OTUD7A: variants seen among roughly 807,000 people sequenced by gnomAD.
The protein encoded by OTUD7A is OTU deubiquitinase 7A, also known as OTU domain-containing protein 7A.
A neutral mutation model predicts 65.7 loss-of-function variants in OTUD7A; 12 were observed. That is an observed-to-expected ratio of 0.18 (90% CI 0.12 to 0.30). The LOEUF (loss-of-function observed/expected upper bound fraction) is 0.30. Among genes scored for constraint, OTUD7A ranks in the 10% least tolerant of loss-of-function variants. The probability of loss-of-function intolerance (pLI) is 1.00; values close to 1 mark genes in which losing one functional copy is unlikely to be tolerated. For missense variants in OTUD7A, 1,148 were observed against 1,304.8 expected, an observed-to-expected ratio of 0.88 and a Z score of 1.85; for synonymous variants, 641 against 586.3, an observed-to-expected ratio of 1.09 and a Z score of -1.35.
rs575521876 is a variant in OTUD7A at position 31,564,362 on chromosome 15, T to G, written c.332-5175A>C. Among the ~76,000 whole-genome samples the G allele has an allele frequency of 2.7e-3, 413 of 151,328 alleles. 4 individuals carry two copies. The highest frequency in any genetic ancestry group is 9.6e-3 in the African/African-American group (392 of 41,024). ...TAGGAGATTCACCATGCAAAAACTG[T>G]TTTTGGAAGTAGTCTTTGAGGAAGG... On this transcript the variant is annotated intron_variant, in intron 4 of 12. Transcript: ENST00000307050.
chr15:31,670,748 T>G (rs1465139490), intron 1 of OTUD7A, among the ~76,000 whole-genome samples: 1 of 152,114 alleles, frequency 6.6e-6, no homozygotes, highest in African/African-American at 2.4e-5. Flanking sequence ...TCCCAGCACT[T>G]TGGGAGGCCG....
At chr15:31,623,478 C>A (rs1890861355) in intron 3 of OTUD7A, among the ~76,000 whole-genome samples, 1 of 152,238 alleles carries the variant, frequency 6.6e-6, no homozygotes, top group Admixed American at 6.5e-5. Flanking sequence ...GCGCCCCTCC[C>A]CCAGCCTCAC....
intron 1 of OTUD7A, among the ~76,000 whole-genome samples, chr15:31,738,574 G>T (rs1289971929): frequency 6.6e-6 from 1 of 152,154 alleles, no homozygotes; most frequent in Non-Finnish European, 1.5e-5. Context: ...AGGATTATCT[G>T]CCATGACAGT....
chr15:31,767,381 G>T lies in OTUD7A; in HGVS notation c.-100+103126C>A, dbSNP rs557542320. On this transcript the variant is annotated intron_variant, in intron 1 of 12. Transcript: ENST00000307050. Reference sequence around the variant, plus strand: ...CAGGGAGATCTAGAAAATAATCTGTGATTGTTCTGAATACATGTCATTCAA... The same window carrying T: ...CAGGGAGATCTAGAAAATAATCTGTTATTGTTCTGAATACATGTCATTCAA... 1.0e-5 allele frequency: 8 copies of T among 775,762 alleles called. No individual in the cohort carries two copies. The East Asian group carries it at 1.9e-4, about 19-fold the overall frequency. 48.1% of individuals were successfully genotyped at this position (775,762 alleles called of 1,614,324 possible). A position where few individuals can be genotyped will look rare whatever the true frequency, so the allele number is the denominator to read the frequency against.
At chr15:31,576,905 G>A (rs143393625) in intron 3 of OTUD7A, among the ~76,000 whole-genome samples, 6 of 152,240 alleles carry the variant, frequency 3.9e-5, no homozygotes, top group African/African-American at 7.2e-5. Flanking sequence ...GGACATGGCT[G>A]GAAGGGAGGT....
intron 5 of OTUD7A, among the ~76,000 whole-genome samples, chr15:31,538,894 T>C (rs1018107565): frequency 1.3e-5 from 2 of 152,216 alleles, no homozygotes; most frequent in African/African-American, 2.4e-5. Flanking sequence ...AACACCAACA[T>C]GAATTTGGCA....
chr15:31,851,336 A>C (rs916487036), intron 1 of OTUD7A, among the ~76,000 whole-genome samples: 11 of 152,248 alleles, frequency 7.2e-5, no homozygotes, highest in African/African-American at 2.7e-4. Context: ...AAAAGGATCA[A>C]TAAATGACTA....
At chr15:31,767,143 T>A in intron 1 of OTUD7A, 1 of 1,440,074 alleles carries the variant, frequency 6.9e-7, no homozygotes, top group Non-Finnish European at 9.7e-7. Context: ...CGAAGCAGAC[T>A]GAGAAGGCGG....
chr15:31,749,181 A>ACGT (rs1411446820), intron 1 of OTUD7A, among the ~76,000 whole-genome samples: 2 of 152,066 alleles, frequency 1.3e-5, no homozygotes, highest in East Asian at 3.9e-4. Context: ...GATATACCTA[A>ACGT]CGTTAAATGA....
chr15:31,554,664 C>CAGACACACTG (rs1888433417), intron 5 of OTUD7A, among the ~76,000 whole-genome samples: 1 of 152,182 alleles, frequency 6.6e-6, no homozygotes, highest in African/African-American at 2.4e-5. Context: ...TGCCTCTGCC[C>CAGACACACTG]TCTGCCCCCA....
chr15:31,635,712 G>T (rs1228365318), intron 3 of OTUD7A, among the ~76,000 whole-genome samples: 4 of 152,220 alleles, frequency 2.6e-5, no homozygotes, highest in African/African-American at 9.6e-5. Flanking sequence ...CGATGTAACT[G>T]GAGGTTAAAT....
intron 3 of OTUD7A, among the ~76,000 whole-genome samples, chr15:31,605,025 TG>T (rs1466130948): frequency 1.3e-5 from 2 of 152,210 alleles, no homozygotes; most frequent in African/African-American, 4.8e-5. Context: ...GGGTGCAGTG[TG>T]GCTAGGACGC....
At chr15:31,775,007 G>A (rs1172292774) in intron 1 of OTUD7A, among the ~76,000 whole-genome samples, 1 of 148,506 alleles carries the variant, frequency 6.7e-6, no homozygotes, top group African/African-American at 2.5e-5. Flanking sequence ...GCTGTAAAAA[G>A]AGACACAACA....
chr15:31,806,801 G>A (rs1293174576), intron 1 of OTUD7A, among the ~76,000 whole-genome samples: 1 of 152,244 alleles, frequency 6.6e-6, no homozygotes, highest in East Asian at 1.9e-4. Context: ...GTAAGCAGGA[G>A]AACTGAGTAT....
chr15:31,665,078 A>G (rs552660765), intron 1 of OTUD7A, among the ~76,000 whole-genome samples: 209 of 152,298 alleles, frequency 1.4e-3, no homozygotes, highest in African/African-American at 4.6e-3. Flanking sequence ...GTATAGTTTG[A>G]AAGCAGGTAG....
intron 1 of OTUD7A, among the ~76,000 whole-genome samples, chr15:31,687,492 C>A (rs1446169955): frequency 2.0e-5 from 3 of 152,192 alleles, no homozygotes; most frequent in Middle Eastern, 3.2e-3. Flanking sequence ...CTTAGCAAGG[C>A]CAGCCACAGG....
chr15:31,530,556 C>G (rs2042072715), intron 6 of OTUD7A, 151 bp downstream of exon 6: 1 of 638,722 alleles, frequency 1.6e-6, no homozygotes, highest in African/African-American at 1.9e-5. Flanking sequence ...GGATTGTTGG[C>G]TCTGTCTCCT....
chr15:31,694,542 T>C (rs1237368031), intron 1 of OTUD7A, among the ~76,000 whole-genome samples: 2 of 152,248 alleles, frequency 1.3e-5, no homozygotes, highest in African/African-American at 4.8e-5. Context: ...TACCATGTTA[T>C]AATAGTCCCC....
At chr15:31,790,450 G>T (rs554686002) in intron 1 of OTUD7A, among the ~76,000 whole-genome samples, 2 of 152,338 alleles carry the variant, frequency 1.3e-5, no homozygotes, top group African/African-American at 4.8e-5. Context: ...CAGGTGTTTT[G>T]ATTCAAAAAC....
Sources: gnomAD v4.1 joint callset for allele counts (sites outside exome capture counted in the v4.1 genomes callset) on GRCh38, gnomAD v4.1.1 for gene constraint, MANE v1.5 for transcripts, NCBI Gene and HGNC (gene_info 2026-07-23, HGNC 2026-07-21) for gene names.